Variants in SMARCA2 observed in about 807,000 individuals in gnomAD.
The protein encoded by SMARCA2 is SWI/SNF related BAF chromatin remodeling complex subunit ATPase 2.
In SMARCA2, 61 loss-of-function variants were observed where a neutral mutation model predicts 199.8. The ratio of observed to expected loss-of-function variants is 0.31; its 90% CI spans 0.25 to 0.38. SMARCA2 has a LOEUF of 0.38. Among genes scored for constraint, SMARCA2 ranks in the 10% least tolerant of loss-of-function variants. The probability of loss-of-function intolerance (pLI) is 1.00; values close to 1 mark genes in which losing one functional copy is unlikely to be tolerated. For synonymous variants in SMARCA2, 935 were observed against 732.0 expected (o/e 1.28, Z -4.48); for missense variants, 1,344 against 2,012.2 (o/e 0.67, Z 6.35).
chr9:2,069,502 T>G (rs1469871677), intron 9 of SMARCA2, among the ~76,000 whole-genome samples: 4 of 148,446 alleles, frequency 2.7e-5, no homozygotes, highest in African/African-American at 1.0e-4. Context: ...GAGCTTGCAG[T>G]GAGCCGAGAT....
intron 27 of SMARCA2, among the ~76,000 whole-genome samples, chr9:2,128,593 G>A (rs957494486): frequency 6.6e-6 from 1 of 152,194 alleles, no homozygotes; most frequent in East Asian, 1.9e-4. Flanking sequence ...TGGTTGGGTG[G>A]GTCCTGGAGC....
chr9:2,159,796 CT>C lies in SMARCA2; in HGVS notation c.3982-1882del, dbSNP rs534526908. 1.6e-5 allele frequency: 25 copies of C among 1,603,218 alleles called. 1 individual carries two copies. Among genetic ancestry groups the C allele is most frequent in the Middle Eastern group, 1.7e-4 (1 of 6,044 alleles). On this transcript the variant is annotated intron_variant, in intron 27 of 33. Transcript: ENST00000349721. ...GAAAACACAGCCTTTCCCCAGCTCT[CT>C]TTTTTTTCCTGATCAGCTGATGAAG...
intron 4 of SMARCA2, chr9:2,043,854 A>C (rs902553714): frequency 6.6e-6 from 1 of 152,230 alleles, no homozygotes; most frequent in Non-Finnish European, 1.5e-5. Context: ...CAGAGTTTCT[A>C]CTTTGTTTCT....
In SMARCA2 at chr9:2,191,426, G is replaced by A. The variant is rs191731237; in HGVS notation, c.4737+18G>A. The A allele has an allele frequency of 1.1e-4, 183 of 1,613,238 alleles. 1 individual carries two copies. Among genetic ancestry groups the A allele is most frequent in the African/African-American group, 7.1e-4 (53 of 74,896 alleles). ...ATGAACGTGTAAGTGTAGCCGACTGGGACTGAAGGCGGAGACGCCCTCTCC... is the reference window on the plus strand; with the variant it reads ...ATGAACGTGTAAGTGTAGCCGACTGAGACTGAAGGCGGAGACGCCCTCTCC... On this transcript the variant is annotated intron_variant, in intron 33 of 33. Coordinates refer to ENST00000349721, the MANE Select transcript of SMARCA2 (RefSeq NM_003070.5).
intron 9 of SMARCA2, among the ~76,000 whole-genome samples, chr9:2,069,226 A>C (rs1374616658): frequency 6.6e-6 from 1 of 151,518 alleles, no homozygotes; most frequent in Non-Finnish European, 1.5e-5. Flanking sequence ...GATATGACAT[A>C]ATCTTAACTT....
intron 28 of SMARCA2, among the ~76,000 whole-genome samples, chr9:2,164,646 G>A (rs117456573): frequency 3.7e-4 from 56 of 152,234 alleles, no homozygotes; most frequent in Admixed American, 7.2e-4. Flanking sequence ...TGATTTCCAT[G>A]GTTTTATTTC....
chr9:2,076,187 T>G (rs779581616), intron 12 of SMARCA2, 42 bp from the exon 13 acceptor site: 1 of 1,070,792 alleles, frequency 9.3e-7, no homozygotes, highest in Non-Finnish European at 1.4e-6. Context: ...GAGATTTCCT[T>G]GTTAAAATAT....
chr9:2,152,025 A>G (rs1335236297), intron 27 of SMARCA2, among the ~76,000 whole-genome samples: 1 of 151,750 alleles, frequency 6.6e-6, no homozygotes, highest in Non-Finnish European at 1.5e-5. Flanking sequence ...GAAAATGGTA[A>G]TTACATGGAG....
At chr9:2,144,762 C>T (rs755963367) in intron 27 of SMARCA2, among the ~76,000 whole-genome samples, 12 of 152,150 alleles carry the variant, frequency 7.9e-5, no homozygotes, top group African/African-American at 2.7e-4. Flanking sequence ...TCTCTAGCAG[C>T]GAGGCCTCCA....
At chr9:2,019,564 T>C (rs1818515145) in intron 1 of SMARCA2, among the ~76,000 whole-genome samples, 1 of 151,886 alleles carries the variant, frequency 6.6e-6, no homozygotes, top group African/African-American at 2.4e-5. Context: ...ATTTAAAGTA[T>C]TCCTGACATG....
chr9:2,048,428 C>T (rs901283892), intron 5 of SMARCA2, among the ~76,000 whole-genome samples: 3 of 152,090 alleles, frequency 2.0e-5, no homozygotes, highest in Admixed American at 1.3e-4. Context: ...TAAAATGATA[C>T]TGAAACATTC....
chr9:2,066,993 G>A (rs1820869288), intron 9 of SMARCA2, among the ~76,000 whole-genome samples: 1 of 152,192 alleles, frequency 6.6e-6, no homozygotes, highest in Non-Finnish European at 1.5e-5. Context: ...GTGAGTACAT[G>A]TGCGCACCAA....
chr9:2,179,089 A>C (rs1204599458), intron 29 of SMARCA2, among the ~76,000 whole-genome samples: 1 of 152,232 alleles, frequency 6.6e-6, no homozygotes, highest in Non-Finnish European at 1.5e-5. Context: ...AGAAAAAACC[A>C]CAGAGAACTT....
In SMARCA2 at chr9:2,170,806, G is replaced by C. The variant is rs762280316; in HGVS notation, c.4253+334G>C. On this transcript the variant is annotated intron_variant, in intron 29 of 33. Coordinates refer to ENST00000349721, the MANE Select transcript of SMARCA2 (RefSeq NM_003070.5). The surrounding 1 kb of genome is among the most constrained non-coding windows in gnomAD (Gnocchi z 4.7). ...TCCCTTCCAGCGCAGCTTCTGTTGT[G>C]TGTTCCTTGGGCCTCTTTAACTCTG... is the stretch of plus-strand genomic sequence containing the variant. 3.3e-5 allele frequency among the ~76,000 whole-genome samples: 5 copies of C among 152,220 alleles called. No individual in the cohort carries two copies. The highest frequency in any genetic ancestry group is 5.9e-5 in the Non-Finnish European group (4 of 68,048).
chr9:2,083,476 T>C (rs926193274), intron 16 of SMARCA2, 63 bp downstream of exon 16: 33 of 988,650 alleles, frequency 3.3e-5, no homozygotes, highest in Non-Finnish European at 5.3e-5. Flanking sequence ...ATTTTCTTCA[T>C]TCCATATGCA....
chr9:2,176,509 A>G (rs891633625), intron 29 of SMARCA2, among the ~76,000 whole-genome samples: 1 of 152,086 alleles, frequency 6.6e-6, no homozygotes, highest in Non-Finnish European at 1.5e-5. Flanking sequence ...TTGGTAACTC[A>G]GGGACATTAT....
intron 27 of SMARCA2, among the ~76,000 whole-genome samples, chr9:2,136,083 G>T (rs187594066): frequency 6.6e-6 from 1 of 151,436 alleles, no homozygotes; most frequent in Non-Finnish European, 1.5e-5. Flanking sequence ...CTCGTGATCC[G>T]CCTGCCTCAG....
chr9:2,180,908 G>C (rs1017000659), intron 29 of SMARCA2, among the ~76,000 whole-genome samples: 1 of 152,060 alleles, frequency 6.6e-6, no homozygotes, highest in African/African-American at 2.4e-5. Flanking sequence ...TGTGAAACAT[G>C]TTCTTCTTTC....
intron 29 of SMARCA2, among the ~76,000 whole-genome samples, chr9:2,179,867 A>G (rs1428726816): frequency 1.3e-5 from 2 of 152,212 alleles, no homozygotes; most frequent in Non-Finnish European, 2.9e-5. Context: ...CTGATAAAGA[A>G]TGCTCATTAA....
Sources: gnomAD v4.1 joint callset for allele counts (sites outside exome capture counted in the v4.1 genomes callset) on GRCh38, gnomAD v4.1.1 for gene constraint, Gnocchi (gnomAD v3.1) non-coding constraint, MANE v1.5 for transcripts, NCBI Gene and HGNC (gene_info 2026-07-23, HGNC 2026-07-21) for gene names.